TMED8: variants seen among roughly 807,000 people sequenced by gnomAD.
The protein encoded by TMED8 is protein TMED8.
TMED8 carries 15 observed loss-of-function variants against 32.7 expected under a neutral mutation model. The ratio of observed to expected loss-of-function variants is 0.46; its 90% confidence interval spans 0.31 to 0.71. The LOEUF (loss-of-function observed/expected upper bound fraction) is 0.71, where lower values mean the gene tolerates loss of function less well. Among genes scored for constraint, TMED8 ranks in the 30% least tolerant of loss-of-function variants. The pLI is 0.06. For synonymous variants in TMED8, 147 were observed against 161.4 expected, an observed-to-expected ratio of 0.91 and a Z score of 0.68; for missense variants, 390 against 423.9, an observed-to-expected ratio of 0.92 and a Z score of 0.70.
chr14:77,371,289 A>G (rs72681283), intron 1 of TMED8, among the ~76,000 whole-genome samples: 2,719 of 152,310 alleles, frequency 0.018, 45 homozygotes, highest in Middle Eastern at 0.078. Flanking sequence ...GCAAAGCATG[A>G]GAGTGTCTGC....
intron 1 of TMED8, among the ~76,000 whole-genome samples, chr14:77,358,255 T>C (rs909743458): frequency 7.3e-5 from 11 of 151,058 alleles, no homozygotes; most frequent in African/African-American, 2.7e-4. Flanking sequence ...TATAAAAATA[T>C]ACATGTAAAA....
chr14:77,367,596 TCTTG>T (rs1893584855), intron 1 of TMED8, among the ~76,000 whole-genome samples: 1 of 152,188 alleles, frequency 6.6e-6, no homozygotes, highest in Non-Finnish European at 1.5e-5. Flanking sequence ...TTCTTTTGGG[TCTTG>T]CTTATTTCAG....
intron 1 of TMED8, chr14:77,360,053 G>A (rs1242641469): frequency 1.3e-5 from 2 of 152,824 alleles, no homozygotes; most frequent in Non-Finnish European, 2.9e-5. Flanking sequence ...TGTTTAAGGT[G>A]TACAACATAA....
intron 2 of TMED8, among the ~76,000 whole-genome samples, chr14:77,347,345 C>T (rs868429096): frequency 3.3e-5 from 5 of 152,192 alleles, no homozygotes; most frequent in African/African-American, 4.8e-5. Context: ...TCAGCAGATC[C>T]GTTTCATACC....
chr14:77,374,366 G>C (rs1893766472), intron 1 of TMED8, among the ~76,000 whole-genome samples: 1 of 152,234 alleles, frequency 6.6e-6, no homozygotes, highest in Admixed American at 6.5e-5. Context: ...GTTCCCAAAA[G>C]CAGCACCACT....
chr14:77,370,033 G>T (rs1447779936), intron 1 of TMED8, among the ~76,000 whole-genome samples: 3 of 152,018 alleles, frequency 2.0e-5, no homozygotes, highest in Non-Finnish European at 4.4e-5. Context: ...TTAGCCGGGC[G>T]TGGTGGCACA....
At chr14:77,356,299 C>A (rs1477500207) in intron 1 of TMED8, among the ~76,000 whole-genome samples, 1 of 152,178 alleles carries the variant, frequency 6.6e-6, no homozygotes, top group Non-Finnish European at 1.5e-5. Flanking sequence ...ACCCAATGCC[C>A]TTTCCTATCC....
rs1408262986 is a variant in TMED8, at chr14:77,338,142, A to G, written c.*3629T>C. Reference sequence around the variant, plus strand: ...AAAACAGAGATCTTAAGACTAACCAAACAGACCCTTTGTGGCAATAAAATA... The same window carrying G: ...AAAACAGAGATCTTAAGACTAACCAGACAGACCCTTTGTGGCAATAAAATA... On this transcript the variant is annotated 3_prime_UTR_variant, in exon 6 of 6. Coordinates refer to ENST00000216468, the MANE Select transcript of TMED8 (RefSeq NM_213601.3). 2 of 152,098 alleles carry G rather than the reference A, an allele frequency of 1.3e-5. No individual in the cohort carries two copies. The highest frequency in any genetic ancestry group is 4.8e-5 in the African/African-American group (2 of 41,414). 9.4% of individuals were successfully genotyped at this position (152,098 alleles called of 1,614,324 possible).
At chr14:77,375,943 C>G (rs1002319393) in intron 1 of TMED8, among the ~76,000 whole-genome samples, 1 of 152,232 alleles carries the variant, frequency 6.6e-6, no homozygotes, top group Non-Finnish European at 1.5e-5. Flanking sequence ...AGGAAACTGA[C>G]GTTTCAGACT....
At chr14:77,362,820 A>G (rs1459894721) in intron 1 of TMED8, among the ~76,000 whole-genome samples, 2 of 152,216 alleles carry the variant, frequency 1.3e-5, no homozygotes, top group Admixed American at 6.5e-5. Context: ...ACCAAGAAAG[A>G]GCAGAGGTGG....
chr14:77,346,458 A>C lies in TMED8; in HGVS notation c.218T>G (p.Val73Gly). Residue 73 changes from valine to glycine, a missense_variant, in exon 3 of 6, where the codon GTG (valine) becomes GGG (glycine). Coordinates refer to ENST00000216468, the MANE Select transcript of TMED8 (RefSeq NM_213601.3). ...CAGATCTTCCGTGGCATCCTTACTC[A>C]CTGGAGATACCATCTGTGGCCTCTC... ...SPHRPQMVSP[V>G]SKDATEDLRK... 6.2e-7 allele frequency: 1 copy of C among 1,614,104 alleles called. No homozygotes were observed.
At chr14:77,366,508 T>C (rs568539327) in intron 1 of TMED8, among the ~76,000 whole-genome samples, 84 of 152,322 alleles carry the variant, frequency 5.5e-4, no homozygotes, top group Non-Finnish European at 9.0e-4. Context: ...GCCTCCTTTT[T>C]CCTTCTAATA....
intron 1 of TMED8, among the ~76,000 whole-genome samples, chr14:77,353,241 T>C (rs533215244): frequency 6.6e-6 from 1 of 152,312 alleles, no homozygotes; most frequent in South Asian, 2.1e-4. Context: ...AAACTCCCTC[T>C]GTGTAAGACA....
At chr14:77,366,723 T>G (rs979053397) in intron 1 of TMED8, among the ~76,000 whole-genome samples, 4 of 152,180 alleles carry the variant, frequency 2.6e-5, no homozygotes, top group African/African-American at 9.7e-5. Context: ...ATTTTCTAAG[T>G]TTTTTGTAGG....
At chr14:77,347,188 T>C (rs777877886) in intron 2 of TMED8, among the ~76,000 whole-genome samples, 2 of 152,038 alleles carry the variant, frequency 1.3e-5, no homozygotes, top group Non-Finnish European at 2.9e-5. Flanking sequence ...AACCGAGGAA[T>C]TGGTAGAATC....
Position 77,343,771 on chromosome 14 carries a change from G to C in TMED8, c.380C>G (p.Ser127Cys). The part of the protein sequence containing the change: ...QRSGDIVMIQ[S>C]EHTGAIDVLS... ...AACATCTATAGCTCCTGTATGTTCA[G>C]ACTGGATCATAACGATGTCCCCAGA... The change falls in exon 4 of 6, where the codon TCT becomes TGT. Residue 127 changes from serine to cysteine, a missense_variant. Coordinates refer to ENST00000216468, the MANE Select transcript of TMED8 (RefSeq NM_213601.3). The C allele has an allele frequency of 1.2e-6, 2 of 1,614,106 alleles. No homozygotes were observed. The highest frequency in any genetic ancestry group is 1.7e-6 in the Non-Finnish European group (2 of 1,180,006).
At chr14:77,349,054 C>T (rs547576087) in intron 2 of TMED8, among the ~76,000 whole-genome samples, 1 of 151,068 alleles carries the variant, frequency 6.6e-6, no homozygotes, top group African/African-American at 2.4e-5. Flanking sequence ...GTCTCACTGC[C>T]TCTGTATGCA....
rs1197184583 is a variant in TMED8, at chr14:77,341,983, C to T, written c.766G>A (p.Val256Ile). 1.9e-6 allele frequency: 3 copies of T among 1,613,854 alleles called. No homozygotes were observed. The highest frequency in any genetic ancestry group is 2.2e-5 in the East Asian group (1 of 44,874). Residue 256 changes from valine (V) to isoleucine (I), a missense_variant, in exon 6 of 6, where the codon GTT (valine) becomes ATT (isoleucine). By Grantham distance (29) the Val-to-Ile change is conservative. Transcript: ENST00000216468. Reference sequence around the variant, plus strand: ...CCTCTCTCCACATCTCCAGCTGGAACGGGTTCTGCGTGAGCAAAATGGCAA... The same window carrying T: ...CCTCTCTCCACATCTCCAGCTGGAATGGGTTCTGCGTGAGCAAAATGGCAA... ...EEEEEEIEEP[V>I]PAGDVERGSR...
chr14:77,337,781 C>T lies in TMED8; in HGVS notation c.*3990G>A, dbSNP rs1566680590. ...AAAATCAGGGGCTCTCCAACAGAGC[C>T]GATATGCAGGGGACATTCTCAGCAT... On this transcript the variant is annotated 3_prime_UTR_variant, in exon 6 of 6. Coordinates refer to ENST00000216468, the MANE Select transcript of TMED8 (RefSeq NM_213601.3). 6.6e-6 allele frequency: 1 copy of T among 152,058 alleles called. No homozygotes were observed. The highest frequency in any genetic ancestry group is 1.5e-5 in the Non-Finnish European group (1 of 68,024). The allele number at this position is 152,058 out of a possible 1,614,324, so 9.4% of individuals were successfully genotyped here.
Sources: allele counts gnomAD v4.1 joint callset (sites outside exome capture counted in the v4.1 genomes callset), GRCh38; gene constraint gnomAD v4.1.1; transcripts MANE v1.5; gene names NCBI Gene and HGNC (gene_info 2026-07-23, HGNC 2026-07-21).